The following ZNF688 variants were observed in gnomAD, a reference collection of about 807,000 sequenced individuals.
ZNF688 encodes the protein zinc finger protein 688.
ZNF688 carries 10 observed loss-of-function variants against 13.2 expected under a neutral mutation model. The observed-to-expected ratio is 0.76, with a 90% CI of 0.47 to 1.28. The LOEUF (loss-of-function observed/expected upper bound fraction) is 1.28, where lower values mean the gene tolerates loss of function less well. Among genes scored for constraint, ZNF688 ranks in the 50% most tolerant of loss-of-function variants. The pLI is 0.00. For synonymous variants in ZNF688, 160 were observed against 159.4 expected, an observed-to-expected ratio of 1.00 and a Z score of -0.03; for missense variants, 381 against 391.4, an observed-to-expected ratio of 0.97 and a Z score of 0.22.
chr16:30,570,446 C>T lies in ZNF688; in HGVS notation c.311-10G>A, dbSNP rs761597026. ...CTGTTTGGGACATCTCCTGGGAAAC[C>T]GGAATTAAGTTACACTTACAAACAC... On this transcript the variant is annotated splice_polypyrimidine_tract_variant and intron_variant, in intron 2 of 2. Coordinates refer to ENST00000223459, the MANE Select transcript of ZNF688 (RefSeq NM_145271.4). 3 of 1,604,084 alleles carry T rather than the reference C, an allele frequency of 1.9e-6. No individual in the cohort carries two copies. The highest frequency in any genetic ancestry group is 1.3e-5 in the African/African-American group (1 of 74,698).
chr16:30,579,556 T>C, the ZNF688 span: 417 of 284,656 alleles, frequency 1.5e-3, 1 homozygote, highest in Non-Finnish European at 2.5e-3. Context: ...CCTGGCTAAT[T>C]TTTTGGTAGA....
upstream of ZNF688, chr16:30,571,720 G>A: frequency 7.4e-7 from 1 of 1,345,762 alleles, no homozygotes; most frequent in Non-Finnish European, 9.5e-7. Flanking sequence ...CACAGGAAGG[G>A]CGGCCCCGCC....
In ZNF688 at chr16:30,571,560, C is replaced by G. The variant is rs2051684295; in HGVS notation, c.70G>C (p.Gly24Arg). The change falls in exon 1 of 3, where the codon GGG becomes CGG. Residue 24 changes from glycine to arginine, a missense_variant. Coordinates refer to ENST00000223459, the MANE Select transcript of ZNF688 (RefSeq NM_145271.4). ...GCCACGTCCGCGAAGCTCACAGTCC[C>G]GGGCTTCCTGCAACCAGGCCGGGTC... ...GETRPGCRKP[G>R]TVSFADVAVY... 1 of 1,574,418 alleles carries G rather than the reference C, an allele frequency of 6.4e-7. No homozygotes were observed. The highest frequency in any genetic ancestry group is 8.6e-7 in the Non-Finnish European group (1 of 1,161,316).
upstream of ZNF688, chr16:30,572,219 A>AC (rs1465516557): frequency 6.2e-7 from 1 of 1,601,866 alleles, no homozygotes; most frequent in Non-Finnish European, 8.5e-7. Context: ...ATTTGAAGGG[A>AC]CCCCGCGGTC....
At chr16:30,576,411 T>TGAA (rs1188585744), upstream of ZNF688, among the ~76,000 whole-genome samples, 1 of 152,120 alleles carries the variant, frequency 6.6e-6, no homozygotes, top group East Asian at 1.9e-4. Context: ...GGGGTTTCAT[T>TGAA]GTGTTAGCCA....
upstream of ZNF688, among the ~76,000 whole-genome samples, chr16:30,574,558 A>C (rs938069613): frequency 6.6e-6 from 1 of 151,716 alleles, no homozygotes; most frequent in African/African-American, 2.4e-5. Flanking sequence ...AAAAAAAAAA[A>C]CAAACAAAAC....
At chr16:30,575,074 A>G (rs2051733387), upstream of ZNF688, among the ~76,000 whole-genome samples, 1 of 152,072 alleles carries the variant, frequency 6.6e-6, no homozygotes, top group South Asian at 2.1e-4. Context: ...TATATATATC[A>G]TATTTTCTTT....
chr16:30,579,855 G>A, the ZNF688 span: 1 of 455,852 alleles, frequency 2.2e-6, no homozygotes, highest in Non-Finnish European at 4.4e-6. Context: ...GATCTAAATG[G>A]GCCAGAAAGA....
upstream of ZNF688, among the ~76,000 whole-genome samples, chr16:30,577,381 CT>C (rs768098748): frequency 9.8e-3 from 1,330 of 136,150 alleles, 1 homozygote; most frequent in Middle Eastern, 0.012. Flanking sequence ...TTGAAAGAAA[CT>C]TTTTTTTTTT....
At chr16:30,575,947 C>T (rs545195944), upstream of ZNF688, among the ~76,000 whole-genome samples, 19 of 152,274 alleles carry the variant, frequency 1.2e-4, no homozygotes, top group Admixed American at 6.5e-5. Flanking sequence ...TGAGCCACTG[C>T]GCCCAGTCAA....
chr16:30,579,549 G>A, the ZNF688 span: 1 of 289,578 alleles, frequency 3.5e-6, no homozygotes, highest in South Asian at 3.1e-5. Context: ...CACCACGCCT[G>A]GCTAATTTTT....
upstream of ZNF688, chr16:30,572,270 C>T (rs2051699291): frequency 6.6e-7 from 1 of 1,526,700 alleles, no homozygotes; most frequent in Non-Finnish European, 8.8e-7. Flanking sequence ...GCGGAGACCT[C>T]GGCATCTGCG....
chr16:30,571,409 G>A, intron 1 of ZNF688, 25 bp downstream of exon 1: 2 of 1,550,024 alleles, frequency 1.3e-6, no homozygotes, highest in Non-Finnish European at 1.7e-6. Context: ...TGAAGGAGGA[G>A]GGGGCTCGGA....
At chr16:30,571,406 G>A in intron 1 of ZNF688, 28 bp downstream of exon 1, 1 of 1,549,064 alleles carries the variant, frequency 6.5e-7, no homozygotes, top group Non-Finnish European at 8.7e-7. Flanking sequence ...CGGTGAAGGA[G>A]GAGGGGGCTC....
upstream of ZNF688, chr16:30,572,324 G>A (rs1186020841): frequency 7.2e-7 from 1 of 1,395,068 alleles, no homozygotes; most frequent in Non-Finnish European, 9.4e-7. Flanking sequence ...CGTGCCTCCC[G>A]ATGGCGGGAG....
At chr16:30,573,250 A>G (rs896200928), upstream of ZNF688, among the ~76,000 whole-genome samples, 3 of 152,206 alleles carry the variant, frequency 2.0e-5, no homozygotes, top group African/African-American at 7.2e-5. Flanking sequence ...TATCAAAGAT[A>G]GCATCAACTT....
Position 30,570,675 on chromosome 16 carries a change from A to T in ZNF688, c.311-239T>A, listed in dbSNP as rs1597138826. On this transcript the variant is annotated intron_variant, in intron 2 of 2. Coordinates refer to ENST00000223459, the MANE Select transcript of ZNF688 (RefSeq NM_145271.4). ...CTTCACAGCGTTACTGGTTTAGCTGAGTAGATGCATGTTAAGCACTTAGGA... is the reference window on the plus strand; with the variant it reads ...CTTCACAGCGTTACTGGTTTAGCTGTGTAGATGCATGTTAAGCACTTAGGA... The T allele has an allele frequency of 1.5e-5, 7 of 471,942 alleles. No individual in the cohort carries two copies. In the East Asian group the frequency reaches 2.3e-4, roughly 16 times the overall value. The allele number at this position is 471,942 out of a possible 1,614,324, so 29.2% of individuals were successfully genotyped here.
chr16:30,572,265 G>C (rs2051699139), upstream of ZNF688: 4 of 1,541,736 alleles, frequency 2.6e-6, no homozygotes, highest in Non-Finnish European at 3.5e-6. Flanking sequence ...GCGCAGCGGA[G>C]ACCTCGGCAT....
chr16:30,572,326 T>G, upstream of ZNF688: 1 of 1,391,708 alleles, frequency 7.2e-7, no homozygotes, highest in African/African-American at 1.5e-5. Flanking sequence ...TGCCTCCCGA[T>G]GGCGGGAGCT....
Sources: gnomAD v4.1 joint callset for allele counts (sites outside exome capture counted in the v4.1 genomes callset) on GRCh38, gnomAD v4.1.1 for gene constraint, MANE v1.5 for transcripts, NCBI Gene and HGNC (gene_info 2026-07-23, HGNC 2026-07-21) for gene names.